The following PEX5L variants were observed in gnomAD, a reference collection of about 807,000 sequenced individuals.
PEX5L encodes peroxisomal biogenesis factor 5 like.
A neutral mutation model predicts 84.0 loss-of-function variants in PEX5L; 30 were observed. The observed-to-expected ratio is 0.36, with a 90% confidence interval of 0.27 to 0.48. The LOEUF is 0.48. Among genes scored for constraint, PEX5L ranks in the 20% least tolerant of loss-of-function variants. The pLI is 0.99. For missense variants in PEX5L, 533 were observed against 754.6 expected (o/e 0.71, Z 3.44); for synonymous variants, 270 against 283.1 (o/e 0.95, Z 0.46).
At position 179,814,540 on chromosome 3, in the gene PEX5L, G is replaced by A. The variant is rs188459898; in HGVS notation, c.1083+1321C>T. Among the ~76,000 whole-genome samples the A allele has an allele frequency of 3.3e-5, 5 of 152,214 alleles. No individual in the cohort carries two copies. In the East Asian group the frequency reaches 7.7e-4, roughly 24 times the overall value. On this transcript the variant is annotated intron_variant, in intron 10 of 14. Coordinates refer to ENST00000467460, the MANE Select transcript of PEX5L (RefSeq NM_016559.3). The stretch of plus-strand genomic sequence containing the variant: ...CATTCTCAGCACCAGTATATATACC[G>A]GTCGCTACAATTTCTGCAGATTCCC...
intron 1 of PEX5L, among the ~76,000 whole-genome samples, chr3:179,977,895 G>C (rs1432323315): frequency 6.6e-6 from 1 of 152,108 alleles, no homozygotes; most frequent in African/African-American, 2.4e-5. Flanking sequence ...CTGTGATCAT[G>C]CTACGGTAAA....
chr3:179,890,261 T>C (rs775575018), intron 3 of PEX5L, among the ~76,000 whole-genome samples: 1 of 152,226 alleles, frequency 6.6e-6, no homozygotes, highest in Non-Finnish European at 1.5e-5. Flanking sequence ...CACTGTGTTA[T>C]ACGCATTCAC....
At chr3:179,872,706 C>T (rs759112976) in intron 7 of PEX5L, among the ~76,000 whole-genome samples, 5 of 152,194 alleles carry the variant, frequency 3.3e-5, no homozygotes, top group African/African-American at 9.6e-5. Context: ...CCTTGTAGAA[C>T]AGCCCACCTG....
chr3:179,910,730 T>C (rs549821646), intron 2 of PEX5L, among the ~76,000 whole-genome samples: 35 of 152,326 alleles, frequency 2.3e-4, no homozygotes, highest in African/African-American at 7.9e-4. Flanking sequence ...TTAGATGAGT[T>C]AGAACCCTGG....
intron 2 of PEX5L, among the ~76,000 whole-genome samples, chr3:179,908,729 T>C (rs1219382987): frequency 6.6e-6 from 1 of 152,032 alleles, no homozygotes; most frequent in African/African-American, 2.4e-5. Context: ...TTTGGTTTTT[T>C]GTCCTTGCGA....
At chr3:179,840,165 G>T (rs60577039) in intron 8 of PEX5L, among the ~76,000 whole-genome samples, 13 of 105,980 alleles carry the variant, frequency 1.2e-4, no homozygotes, top group South Asian at 1.0e-3. Context: ...TGTTTTTTGT[G>T]TGTGTGTGTG....
intron 7 of PEX5L, among the ~76,000 whole-genome samples, chr3:179,862,152 C>T (rs576889740): frequency 2.6e-5 from 4 of 152,312 alleles, no homozygotes; most frequent in South Asian, 4.1e-4. Flanking sequence ...CTTATGACTG[C>T]GTCACTCCAT....
intron 2 of PEX5L, chr3:179,900,536 T>A: frequency 1.6e-6 from 1 of 630,706 alleles, no homozygotes; most frequent in South Asian, 1.9e-5. Flanking sequence ...ACATGCCATT[T>A]CACTAAAACA....
At chr3:179,829,602 C>A (rs894621572) in intron 8 of PEX5L, among the ~76,000 whole-genome samples, 2 of 152,162 alleles carry the variant, frequency 1.3e-5, no homozygotes, top group Admixed American at 1.3e-4. Context: ...AAAGTGCCCA[C>A]CCGGGGGCGG....
intron 2 of PEX5L, among the ~76,000 whole-genome samples, chr3:179,927,962 T>C (rs1578574437): frequency 6.6e-6 from 1 of 152,220 alleles, no homozygotes; most frequent in African/African-American, 2.4e-5. Flanking sequence ...TAATGAAGTA[T>C]ATATTTCTGG....
At position 179,966,526 on chromosome 3, in the gene PEX5L, G is replaced by A. The variant is rs193208458; in HGVS notation, c.93+5068C>T. 5.3e-4 allele frequency among the ~76,000 whole-genome samples: 81 copies of A among 152,304 alleles called. 2 individuals carry two copies. On this transcript the variant is annotated intron_variant, in intron 2 of 14. Transcript: ENST00000467460. ...TCCTTTTTACTATTTGTGAGTCTGA[G>A]ACCAAAGTTAGTTGCTTAGATGTTG... is the stretch of plus-strand genomic sequence containing the variant.
intron 2 of PEX5L, among the ~76,000 whole-genome samples, chr3:179,903,755 T>A (rs966981060): frequency 2.6e-5 from 4 of 152,230 alleles, no homozygotes; most frequent in Non-Finnish European, 5.9e-5. Flanking sequence ...TATTTTGCAG[T>A]GTCCTTTCCC....
At chr3:179,981,841 C>A (rs1345575798) in intron 1 of PEX5L, among the ~76,000 whole-genome samples, 1 of 151,634 alleles carries the variant, frequency 6.6e-6, no homozygotes, top group Non-Finnish European at 1.5e-5. Flanking sequence ...TAAAAAGATA[C>A]AATGTGAAAT....
At chr3:179,968,170 C>A (rs953366557) in intron 2 of PEX5L, among the ~76,000 whole-genome samples, 2 of 152,056 alleles carry the variant, frequency 1.3e-5, no homozygotes, top group African/African-American at 4.8e-5. Context: ...TCTTTGTTAC[C>A]TCTTTTAAGT....
At chr3:179,898,292 A>G (rs754394963) in intron 2 of PEX5L, 46 bp from the exon 3 acceptor site, 2 of 1,298,984 alleles carry the variant, frequency 1.5e-6, no homozygotes, top group Non-Finnish European at 1.1e-6. Context: ...GAGATCTTTA[A>G]CTTATTATTT....
chr3:180,015,471 T>A lies in PEX5L; in HGVS notation c.21+21108A>T, dbSNP rs117638524. On this transcript the variant is annotated intron_variant, in intron 1 of 14. Coordinates refer to ENST00000467460, the MANE Select transcript of PEX5L (RefSeq NM_016559.3). ...AAGAAAAATGTTTCCTATTGAGGAC[T>A]CCATTCATGGTAGAAACATCCATAA... 5.7e-4 allele frequency among the ~76,000 whole-genome samples: 87 copies of A among 152,338 alleles called. No individual in the cohort carries two copies. The East Asian group carries it at 0.013, about 22-fold the overall frequency.
chr3:179,963,501 G>A (rs1365237735), intron 2 of PEX5L, among the ~76,000 whole-genome samples: 1 of 152,106 alleles, frequency 6.6e-6, no homozygotes, highest in Non-Finnish European at 1.5e-5. Context: ...TGGGGAAAGT[G>A]TAAAATGGGA....
chr3:179,802,550 A>AGAAAAG (rs1553813983), intron 14 of PEX5L, among the ~76,000 whole-genome samples: 1 of 131,560 alleles, frequency 7.6e-6, no homozygotes, highest in African/African-American at 3.0e-5. Flanking sequence ...AAAAAAAAAA[A>AGAAAAG]AAAAGAAAAG....
chr3:180,027,994 C>A (rs993926128), intron 1 of PEX5L, among the ~76,000 whole-genome samples: 2 of 152,202 alleles, frequency 1.3e-5, no homozygotes, highest in African/African-American at 4.8e-5. Flanking sequence ...TGTCCAGAGG[C>A]ACATGCTCCA....
Sources: gnomAD v4.1 joint callset for allele counts (sites outside exome capture counted in the v4.1 genomes callset) on GRCh38, gnomAD v4.1.1 for gene constraint, MANE v1.5 for transcripts, NCBI Gene and HGNC (gene_info 2026-07-23, HGNC 2026-07-21) for gene names.